The following MCC variants were observed in gnomAD, a reference collection of about 807,000 sequenced individuals.
MCC encodes the protein MCC regulator of Wnt signaling pathway, also known as colorectal mutant cancer protein.
MCC carries 90 observed loss-of-function variants against 116.2 expected under a neutral mutation model. That is an observed-to-expected ratio of 0.77 (90% CI 0.65 to 0.92). MCC has a LOEUF of 0.92. Ranked by LOEUF, MCC falls within the 40% of genes least tolerant of loss-of-function variation. The pLI, the probability that MCC is intolerant of heterozygous loss-of-function variation, is 0.00. For missense variants in MCC, 1,516 were observed against 1,312.2 expected (o/e 1.16, Z -2.40); for synonymous variants, 578 against 510.5 (o/e 1.13, Z -1.78).
chr5:113,237,966 C>T (rs1477823500), intron 3 of MCC, among the ~76,000 whole-genome samples: 1 of 152,122 alleles, frequency 6.6e-6, no homozygotes, highest in East Asian at 1.9e-4. Flanking sequence ...AGGGAAAAAA[C>T]TGAAGTAGGG....
chr5:113,434,386 G>C lies in MCC; in HGVS notation c.171-49174C>G, dbSNP rs367834917. 6.2e-6 allele frequency: 10 copies of C among 1,613,948 alleles called. No homozygotes were observed. The African/African-American group carries it at 1.2e-4, about 19-fold the overall frequency. ...CGCTTGGAGAAGCTGAAGTCGGACAGCTTGATGTTGAAGTCCTTGTCAAGG... is the reference window on the plus strand; with the variant it reads ...CGCTTGGAGAAGCTGAAGTCGGACACCTTGATGTTGAAGTCCTTGTCAAGG... On this transcript the variant is annotated intron_variant, in intron 1 of 18. Coordinates refer to ENST00000408903, the MANE Select transcript of MCC (RefSeq NM_001085377.2). This position sits in a 1 kb window ranked among gnomAD's most constrained non-coding sequence, Gnocchi z 4.2.
intron 6 of MCC, among the ~76,000 whole-genome samples, chr5:113,119,469 G>T (rs891233366): frequency 1.3e-5 from 2 of 152,204 alleles, no homozygotes; most frequent in Non-Finnish European, 2.9e-5. Context: ...AGCAGCTCAG[G>T]CTGGAGGAAC....
intron 3 of MCC, among the ~76,000 whole-genome samples, chr5:113,223,801 C>T (rs1763637888): frequency 6.6e-6 from 1 of 152,128 alleles, no homozygotes; most frequent in African/African-American, 2.4e-5. Context: ...GTTTCTGTTA[C>T]CTGGCTAGAG....
chr5:113,145,767 CACACACACACACACACAAA>C (rs765070609), intron 4 of MCC, among the ~76,000 whole-genome samples: 203 of 72,450 alleles, frequency 2.8e-3, no homozygotes, highest in Middle Eastern at 0.014. Flanking sequence ...CACACACACA[CACACACACACACACACAAA>C]CACACACACA....
chr5:113,290,932 A>C (rs1378256577), intron 3 of MCC, among the ~76,000 whole-genome samples: 1 of 152,168 alleles, frequency 6.6e-6, no homozygotes, highest in Non-Finnish European at 1.5e-5. Context: ...AGAACAAATC[A>C]CTAGTTTATC....
chr5:113,027,486 G>C lies in MCC; in HGVS notation c.2880-4C>G. The C allele has an allele frequency of 1.9e-6, 3 of 1,613,974 alleles. No individual in the cohort carries two copies. The highest frequency in any genetic ancestry group is 2.5e-6 in the Non-Finnish European group (3 of 1,179,930). On this transcript the variant is annotated splice_polypyrimidine_tract_variant and splice_region_variant and intron_variant, in intron 18 of 18. Transcript: ENST00000408903. ...CTCATAGGCAGCCACCAGGTTGCTAGGTGGGAATGAAGGGAAATTGGTATT... is the reference window on the plus strand; with the variant it reads ...CTCATAGGCAGCCACCAGGTTGCTACGTGGGAATGAAGGGAAATTGGTATT...
chr5:113,446,469 T>C (rs763656570), intron 1 of MCC, among the ~76,000 whole-genome samples: 59 of 152,106 alleles, frequency 3.9e-4, no homozygotes, highest in Non-Finnish European at 2.4e-4. Flanking sequence ...AGAAGACATA[T>C]AAGTGGCTGA....
chr5:113,103,523 G>C (rs1756555742), intron 7 of MCC, among the ~76,000 whole-genome samples: 1 of 152,254 alleles, frequency 6.6e-6, no homozygotes, highest in African/African-American at 2.4e-5. Context: ...AAAACCAGCA[G>C]TGTTACAAAC....
At chr5:113,341,529 C>T (rs1194512803) in intron 2 of MCC, among the ~76,000 whole-genome samples, 1 of 152,144 alleles carries the variant, frequency 6.6e-6, no homozygotes, top group East Asian at 1.9e-4. Flanking sequence ...CTGAAGGAAG[C>T]TAGACTGTAT....
At chr5:113,305,001 A>T (rs954052766) in intron 3 of MCC, among the ~76,000 whole-genome samples, 1 of 149,074 alleles carries the variant, frequency 6.7e-6, no homozygotes, top group African/African-American at 2.6e-5. Context: ...GCAGCTACCC[A>T]AAAGGGGCAA....
intron 3 of MCC, among the ~76,000 whole-genome samples, chr5:113,243,301 T>C (rs1764448163): frequency 6.6e-6 from 1 of 152,176 alleles, no homozygotes; most frequent in South Asian, 2.1e-4. Flanking sequence ...GATTATTTTA[T>C]TAAAAGAAAC....
At chr5:113,432,320 C>CAAAAAAAAAA in intron 1 of MCC, among the ~76,000 whole-genome samples, 1 of 68,610 alleles carries the variant, frequency 1.5e-5, no homozygotes, top group Non-Finnish European at 2.9e-5. Flanking sequence ...GACTCTGTCT[C>CAAAAAAAAAA]AAAAAAAAAA....
intron 15 of MCC, among the ~76,000 whole-genome samples, chr5:113,052,214 A>G (rs187711725): frequency 5.3e-4 from 81 of 152,326 alleles, no homozygotes; most frequent in Non-Finnish European, 9.4e-4. Flanking sequence ...GGAAATCCTT[A>G]GTCTTTGGCC....
intron 16 of MCC, among the ~76,000 whole-genome samples, chr5:113,047,686 A>T (rs947036869): frequency 5.9e-5 from 9 of 152,204 alleles, no homozygotes; most frequent in African/African-American, 2.2e-4. Context: ...AGAAGCTTGC[A>T]TTTATTAAGA....
chr5:113,064,985 G>A (rs1753489324), intron 13 of MCC, among the ~76,000 whole-genome samples: 1 of 152,200 alleles, frequency 6.6e-6, no homozygotes, highest in African/African-American at 2.4e-5. Flanking sequence ...GCAAGACCCT[G>A]TCTCCAAAAC....
rs536053393 is a variant in MCC, at chr5:113,194,483, A to C, written c.628-43061T>G. Reference sequence around the variant, plus strand: ...AGTTCAATATCAGCCTGGGCAACAAAGTAAGAATCTGTCTGTACAAAAAAA... The same window carrying C: ...AGTTCAATATCAGCCTGGGCAACAACGTAAGAATCTGTCTGTACAAAAAAA... On this transcript the variant is annotated intron_variant, in intron 3 of 18. Transcript: ENST00000408903. 2.6e-5 allele frequency among the ~76,000 whole-genome samples: 4 copies of C among 152,270 alleles called. No individual in the cohort carries two copies. The East Asian group carries it at 7.7e-4, about 29-fold the overall frequency.
chr5:113,120,909 C>T (rs1757698622), intron 6 of MCC, among the ~76,000 whole-genome samples: 1 of 152,150 alleles, frequency 6.6e-6, no homozygotes, highest in South Asian at 2.1e-4. Flanking sequence ...ACTATAAACC[C>T]ATGGGCAAAC....
At chr5:113,135,558 C>CAAAAAAAAAAAAA (rs11377680) in intron 5 of MCC, among the ~76,000 whole-genome samples, 23 of 102,656 alleles carry the variant, frequency 2.2e-4, no homozygotes, top group African/African-American at 9.6e-4. Flanking sequence ...GACTCTGTCT[C>CAAAAAAAAAAAAA]AAAAAAAAAA....
At chr5:113,330,180 T>C (rs1290708449) in intron 3 of MCC, among the ~76,000 whole-genome samples, 1 of 152,258 alleles carries the variant, frequency 6.6e-6, no homozygotes, top group African/African-American at 2.4e-5. Context: ...CAAGTTTCTG[T>C]ACCTGACTTT....
Sources: gnomAD v4.1 joint callset for allele counts (sites outside exome capture counted in the v4.1 genomes callset) on GRCh38, gnomAD v4.1.1 for gene constraint, Gnocchi (gnomAD v3.1) non-coding constraint, MANE v1.5 for transcripts, NCBI Gene and HGNC (gene_info 2026-07-23, HGNC 2026-07-21) for gene names.